Variants in MBTPS1 observed in about 807,000 individuals in gnomAD.
MBTPS1 encodes the protein membrane bound transcription factor peptidase, site 1.
MBTPS1 carries 94 observed loss-of-function variants against 127.8 expected under a neutral mutation model. The ratio of observed to expected loss-of-function variants is 0.74; its 90% CI spans 0.62 to 0.87. MBTPS1 has a LOEUF of 0.87. Among genes scored for constraint, MBTPS1 ranks in the 40% least tolerant of loss-of-function variants. The pLI is 0.00. For synonymous variants in MBTPS1, 632 were observed against 509.4 expected (o/e 1.24, Z -3.24); for missense variants, 1,636 against 1,353.2 (o/e 1.21, Z -3.28).
At chr16:84,081,301 C>G (rs117223820) in intron 11 of MBTPS1, among the ~76,000 whole-genome samples, 2 of 152,286 alleles carry the variant, frequency 1.3e-5, no homozygotes, top group East Asian at 3.9e-4. Context: ...CAGGAGCTGG[C>G]GAGATGTATG....
At position 84,085,528 on chromosome 16, in the gene MBTPS1, C is replaced by G. The variant is rs548984408; in HGVS notation, c.1135-394G>C. ...CGTGATTGTGCCACTGCACTCCAGC[C>G]TGGGCAACACAGTGAGATCCTGTCC... On this transcript the variant is annotated intron_variant, in intron 9 of 22. Transcript: ENST00000343411. 4.6e-4 allele frequency among the ~76,000 whole-genome samples: 69 copies of G among 151,618 alleles called. 2 individuals are homozygous for G. The highest frequency in any genetic ancestry group is 1.5e-3 in the African/African-American group (63 of 41,302).
chr16:84,116,452 G>C (rs945654837), intron 1 of MBTPS1, among the ~76,000 whole-genome samples: 6 of 152,350 alleles, frequency 3.9e-5, no homozygotes, highest in Middle Eastern at 3.4e-3. Context: ...GAGGCTCCGG[G>C]CCAGAGCAGG....
intron 8 of MBTPS1, among the ~76,000 whole-genome samples, chr16:84,088,501 C>T (rs1470368996): frequency 2.0e-5 from 3 of 152,200 alleles, no homozygotes; most frequent in African/African-American, 7.2e-5. Flanking sequence ...GAAACTCCCA[C>T]TGAAGTTGAC....
intron 1 of MBTPS1, among the ~76,000 whole-genome samples, chr16:84,113,331 G>C (rs1302915274): frequency 6.6e-6 from 1 of 152,130 alleles, no homozygotes; most frequent in African/African-American, 2.4e-5. Context: ...TCCATATAAA[G>C]GCATAACGTT....
In MBTPS1 at chr16:84,065,771, G is replaced by C; in HGVS notation, c.2354-4C>G. 1 of 1,566,230 alleles carries C rather than the reference G, an allele frequency of 6.4e-7. No homozygotes were observed. Among genetic ancestry groups the C allele is most frequent in the Non-Finnish European group, 8.6e-7 (1 of 1,158,612 alleles). Reference sequence around the variant, plus strand: ...CTGCACCCTGACGCATAATACACTAGGAAAGAGTGTTCAAAGTCAAGGGAA... The same window carrying C: ...CTGCACCCTGACGCATAATACACTACGAAAGAGTGTTCAAAGTCAAGGGAA... On this transcript the variant is annotated splice_polypyrimidine_tract_variant and splice_region_variant and intron_variant, in intron 17 of 22. Transcript: ENST00000343411.
At chr16:84,086,463 C>G (rs1007301845) in intron 9 of MBTPS1, 1 of 152,366 alleles carries the variant, frequency 6.6e-6, no homozygotes, top group Non-Finnish European at 1.5e-5. Context: ...TGGTCCCCAG[C>G]CAACAGGTCA....
intron 9 of MBTPS1, chr16:84,085,905 G>C (rs1434732872): frequency 6.6e-6 from 1 of 152,132 alleles, no homozygotes; most frequent in Non-Finnish European, 1.5e-5. Flanking sequence ...CACGGTATGA[G>C]TGGATGTTTC....
In MBTPS1 at chr16:84,093,829, G is replaced by C. The variant is rs747415554; in HGVS notation, c.626-8C>G. On this transcript the variant is annotated splice_polypyrimidine_tract_variant and splice_region_variant and intron_variant, in intron 4 of 22. Transcript: ENST00000343411. The stretch of plus-strand genomic sequence containing the variant: ...CAACTCTTACATTAGCACCTTATTC[G>C]GAAAAGAAAGCAAACACAATTATGT... 6.4e-7 allele frequency: 1 copy of C among 1,559,686 alleles called. No individual in the cohort carries two copies. The highest frequency in any genetic ancestry group is 1.4e-5 in the African/African-American group (1 of 73,908).
At chr16:84,080,498 C>G (rs1373191059) in intron 11 of MBTPS1, among the ~76,000 whole-genome samples, 1 of 152,246 alleles carries the variant, frequency 6.6e-6, no homozygotes, top group African/African-American at 2.4e-5. Context: ...ACCTCTGGCC[C>G]CACAGGGCCA....
chr16:84,067,533 C>A, intron 16 of MBTPS1, 134 bp downstream of exon 16: 1 of 714,656 alleles, frequency 1.4e-6, no homozygotes, highest in Non-Finnish European at 2.3e-6. Flanking sequence ...GGCTTTTTTT[C>A]TAATCAAGCT....
intron 2 of MBTPS1, among the ~76,000 whole-genome samples, chr16:84,100,293 C>A (rs1460015865): frequency 6.6e-6 from 1 of 152,030 alleles, no homozygotes; most frequent in East Asian, 1.9e-4. Flanking sequence ...GCCTGTAATC[C>A]CAACACTTTG....
chr16:84,090,800 C>A, intron 8 of MBTPS1, 75 bp downstream of exon 8: 1 of 1,061,548 alleles, frequency 9.4e-7, no homozygotes, highest in South Asian at 1.3e-5. Flanking sequence ...TAGGTAGATA[C>A]ACAAACAGAT....
At chr16:84,069,765 A>G (rs2151147355) in intron 14 of MBTPS1, 101 bp downstream of exon 14, 2 of 1,141,558 alleles carry the variant, frequency 1.8e-6, no homozygotes, top group Middle Eastern at 3.1e-4. Flanking sequence ...TCCAGGCTCC[A>G]CGAGAAGCTG....
rs2086260214 is a variant in MBTPS1 at position 84,101,777 on chromosome 16, G to A, written c.7C>T (p.Leu3Phe). 1 of 1,611,646 alleles carries A rather than the reference G, an allele frequency of 6.2e-7. No homozygotes were observed. The highest frequency in any genetic ancestry group is 2.2e-5 in the East Asian group (1 of 44,844). MK[L>F]VNIWLLLLVV... ...AGCAGAAGCAGCCAGATGTTGACAA[G>A]CTTCATGGTCACAAGCGAATATGAT... The change falls in exon 2 of 23, where the codon CTT becomes TTT. Residue 3 changes from leucine (L) to phenylalanine (F), a missense_variant. Leu to Phe is a conservative substitution (Grantham distance 22). Coordinates refer to ENST00000343411, the MANE Select transcript of MBTPS1 (RefSeq NM_003791.4).
intron 12 of MBTPS1, among the ~76,000 whole-genome samples, chr16:84,073,073 A>G (rs989885843): frequency 2.0e-5 from 3 of 152,260 alleles, no homozygotes; most frequent in Admixed American, 6.5e-5. Context: ...CAAACAAATT[A>G]TAATTTACTA....
At chr16:84,082,864 C>T (rs1195799364) in intron 10 of MBTPS1, among the ~76,000 whole-genome samples, 4 of 152,212 alleles carry the variant, frequency 2.6e-5, no homozygotes, top group African/African-American at 4.8e-5. Context: ...GTTCCACTGC[C>T]TTTCACAGCA....
intron 6 of MBTPS1, among the ~76,000 whole-genome samples, chr16:84,092,303 A>T (rs1353811210): frequency 6.6e-6 from 1 of 152,224 alleles, no homozygotes; most frequent in African/African-American, 2.4e-5. Context: ...TCACAGTATT[A>T]GTCTTCTGAT....
intron 8 of MBTPS1, among the ~76,000 whole-genome samples, chr16:84,088,992 G>C (rs16962778): frequency 6.6e-6 from 1 of 152,148 alleles, no homozygotes; most frequent in Non-Finnish European, 1.5e-5. Context: ...CACAACTCTG[G>C]TAAGAAGCTA....
chr16:84,064,379 T>A (rs7185134), intron 18 of MBTPS1, among the ~76,000 whole-genome samples: 14,518 of 152,156 alleles, frequency 0.095, 1,006 homozygotes, highest in East Asian at 0.24. Flanking sequence ...TGGTATTTGA[T>A]GGGAGTTTTA....
Sources: allele counts gnomAD v4.1 joint callset (sites outside exome capture counted in the v4.1 genomes callset), GRCh38; gene constraint gnomAD v4.1.1; transcripts MANE v1.5; gene names NCBI Gene and HGNC (gene_info 2026-07-23, HGNC 2026-07-21).